Variants in JMJD1C observed in about 807,000 individuals in gnomAD.
JMJD1C encodes jumonji domain-containing protein 1C.
Under a neutral mutation model 245.3 loss-of-function variants are expected in JMJD1C, and 31 were observed. The observed-to-expected ratio is 0.13, with a 90% CI of 0.09 to 0.17. JMJD1C has a LOEUF of 0.17. Among genes scored for constraint, JMJD1C ranks in the 10% least tolerant of loss-of-function variants. JMJD1C has a pLI of 1.00. For missense variants in JMJD1C, 2,691 were observed against 3,000.2 expected (o/e 0.90, Z 2.41); for synonymous variants, 1,057 against 1,017.4 (o/e 1.04, Z -0.74).
intron 2 of JMJD1C, among the ~76,000 whole-genome samples, chr10:63,325,040 T>G (rs1183159908): frequency 1.3e-5 from 2 of 152,200 alleles, no homozygotes; most frequent in African/African-American, 4.8e-5. Flanking sequence ...TTCTTAATAT[T>G]ACAAACTCAG....
intron 1 of JMJD1C, among the ~76,000 whole-genome samples, chr10:63,484,829 A>T (rs1953944109): frequency 6.6e-6 from 1 of 152,066 alleles, no homozygotes; most frequent in South Asian, 2.1e-4. Flanking sequence ...CTCAAATAGA[A>T]AATAGAGGGG....
intron 3 of JMJD1C, among the ~76,000 whole-genome samples, chr10:63,228,746 CAGG>C (rs1849612756): frequency 6.6e-6 from 1 of 152,120 alleles, no homozygotes; most frequent in East Asian, 1.9e-4. Flanking sequence ...TATATACAAT[CAGG>C]AGCACAGGAA....
intron 2 of JMJD1C, among the ~76,000 whole-genome samples, chr10:63,337,027 G>C (rs934033196): frequency 7.9e-5 from 12 of 152,118 alleles, no homozygotes; most frequent in Non-Finnish European, 1.2e-4. Context: ...TTTTAGTAGA[G>C]AGGGGGTTTC....
At chr10:63,362,235 T>TTAA (rs1423481491) in intron 2 of JMJD1C, among the ~76,000 whole-genome samples, 1 of 131,192 alleles carries the variant, frequency 7.6e-6, no homozygotes, top group Non-Finnish European at 1.6e-5. Flanking sequence ...ACTGCATCTC[T>TTAA]AAAAAAAAAA....
At chr10:63,400,575 G>A (rs907032026) in intron 1 of JMJD1C, among the ~76,000 whole-genome samples, 1 of 151,566 alleles carries the variant, frequency 6.6e-6, no homozygotes, top group African/African-American at 2.4e-5. Flanking sequence ...CCTTTCCCCC[G>A]GCCCCGAGAT....
chr10:63,458,754 C>T (rs72837038), intron 1 of JMJD1C, among the ~76,000 whole-genome samples: 4,231 of 149,564 alleles, frequency 0.028, 85 homozygotes, highest in Non-Finnish European at 0.045. Flanking sequence ...GGAACAGTCT[C>T]ACTTTGTCAC....
intron 1 of JMJD1C, among the ~76,000 whole-genome samples, chr10:63,506,284 G>C (rs1954714471): frequency 6.6e-6 from 1 of 152,212 alleles, no homozygotes; most frequent in Non-Finnish European, 1.5e-5. Context: ...GAAAGCTTTA[G>C]AGTTTGACCA....
chr10:63,204,377 A>G (rs1846361580), intron 10 of JMJD1C: 3 of 985,064 alleles, frequency 3.0e-6, no homozygotes, highest in Non-Finnish European at 3.6e-6. Context: ...TTACATGTGA[A>G]TATGTATATT....
intron 1 of JMJD1C, among the ~76,000 whole-genome samples, chr10:63,387,934 C>T (rs982832019): frequency 3.3e-5 from 5 of 151,194 alleles, no homozygotes; most frequent in East Asian, 1.9e-4. Flanking sequence ...TGCGCCTGGC[C>T]GAAAAAAGAA....
At chr10:63,389,660 T>A (rs1223952491) in intron 1 of JMJD1C, among the ~76,000 whole-genome samples, 1 of 151,636 alleles carries the variant, frequency 6.6e-6, no homozygotes, top group Non-Finnish European at 1.5e-5. Flanking sequence ...ACAAATAGAG[T>A]CTCAACAAAT....
At chr10:63,295,967 G>A (rs1338913340) in intron 2 of JMJD1C, among the ~76,000 whole-genome samples, 456 of 10,780 alleles carry the variant, frequency 0.042, 2 homozygotes, top group Non-Finnish European at 0.067. Context: ...ATATGTGTGT[G>A]TGTGTGTGTG....
intron 2 of JMJD1C, among the ~76,000 whole-genome samples, chr10:63,353,865 G>A (rs1944577087): frequency 6.7e-6 from 1 of 148,486 alleles, no homozygotes; most frequent in Non-Finnish European, 1.5e-5. Flanking sequence ...TTTTTGAGAT[G>A]GAGTCTCGCT....
chr10:63,380,377 T>G lies in JMJD1C; in HGVS notation c.274A>C (p.Arg92=), dbSNP rs1445365323. The change falls in exon 2 of 26, where the codon AGG becomes CGG. Residue 92 remains arginine (R), a synonymous_variant. Coordinates refer to ENST00000399262, the MANE Select transcript of JMJD1C (RefSeq NM_032776.3). ...CCCTGAGTCTGGCTAGGGTCATTCC[T>G]TTTGGCCCAGATTAAGTGGTATTCC... is the stretch of plus-strand genomic sequence containing the variant. The part of the protein sequence containing the change: ...LVEYHLIWAK[R]NDPSQTQGSK... 6.2e-7 allele frequency: 1 copy of G among 1,613,980 alleles called. No individual in the cohort carries two copies. Among genetic ancestry groups the G allele is most frequent in the African/African-American group, 1.3e-5 (1 of 74,930 alleles).
At chr10:63,508,840 A>G (rs950408432) in intron 1 of JMJD1C, among the ~76,000 whole-genome samples, 1 of 152,162 alleles carries the variant, frequency 6.6e-6, no homozygotes, top group African/African-American at 2.4e-5. Context: ...AATTTTCTTG[A>G]TTCTTTTGAA....
In JMJD1C at chr10:63,217,209, G is replaced by T. The variant is rs1848102103; in HGVS notation, c.676C>A (p.Gln226Lys). 6.2e-7 allele frequency: 1 copy of T among 1,607,028 alleles called. No homozygotes were observed. Among genetic ancestry groups the T allele is most frequent in the South Asian group, 1.1e-5 (1 of 89,304 alleles). Residue 226 changes from glutamine (Q) to lysine (K), a missense_variant and splice_region_variant, in exon 5 of 26, where the codon CAG (glutamine) becomes AAG (lysine). Physicochemically the swap from Gln to Lys is moderately conservative, Grantham distance 53. Transcript: ENST00000399262. ...AAAATATTAGTGGAACTATTTACCT[G>T]ATCATTCATAACGATCATGGTGCGG... Reference protein sequence around the residue: ...FTRTMIVMNDQVLEPQNVDPS... With the variant: ...FTRTMIVMNDKVLEPQNVDPS...
intron 2 of JMJD1C, among the ~76,000 whole-genome samples, chr10:63,378,575 G>C (rs577033866): frequency 1.3e-5 from 2 of 152,164 alleles, no homozygotes; most frequent in African/African-American, 4.8e-5. Context: ...CTGGGCAACA[G>C]AGTGAGACTC....
At chr10:63,203,869 T>C (rs1046171613) in intron 10 of JMJD1C, 1 of 982,722 alleles carries the variant, frequency 1.0e-6, no homozygotes, top group Non-Finnish European at 1.2e-6. Context: ...TTCTTTTTGA[T>C]TGACCATGAC....
intron 10 of JMJD1C, chr10:63,203,250 T>C (rs1447442139): frequency 1.0e-6 from 1 of 978,722 alleles, no homozygotes; most frequent in African/African-American, 1.8e-5. Flanking sequence ...ACTTCATCCT[T>C]CAATTCCATA....
chr10:63,431,070 T>C (rs770188472), intron 1 of JMJD1C, among the ~76,000 whole-genome samples: 11 of 152,124 alleles, frequency 7.2e-5, no homozygotes, highest in Non-Finnish European at 1.0e-4. Context: ...CTACATTAGA[T>C]GACAATAAAA....
Sources: allele counts gnomAD v4.1 joint callset (sites outside exome capture counted in the v4.1 genomes callset), GRCh38; gene constraint gnomAD v4.1.1; transcripts MANE v1.5; gene names NCBI Gene and HGNC (gene_info 2026-07-23, HGNC 2026-07-21).